Variants in SERPINE3 observed in about 807,000 individuals in gnomAD.
The protein encoded by SERPINE3 is serpin family E member 3.
Under a neutral mutation model 41.7 loss-of-function variants are expected in SERPINE3, and 43 were observed. The observed-to-expected ratio is 1.03, with a 90% CI of 0.81 to 1.33. SERPINE3 has a LOEUF of 1.33. SERPINE3 is among the 40% of genes most tolerant of loss of function. The pLI is 0.00. For missense variants in SERPINE3, 440 were observed against 491.7 expected (o/e 0.89, Z 0.99); for synonymous variants, 200 against 192.2 (o/e 1.04, Z -0.34).
intron 7 of SERPINE3, among the ~76,000 whole-genome samples, chr13:51,359,035 A>G (rs542820663): frequency 6.6e-6 from 1 of 152,222 alleles, no homozygotes; most frequent in East Asian, 1.9e-4. Flanking sequence ...CAAAAGTGCA[A>G]AACTGTTTAG....
In SERPINE3 at chr13:51,340,796, G is replaced by C. The variant is rs186722692; in HGVS notation, c.-83G>C. The C allele has an allele frequency of 9.4e-5, 47 of 497,604 alleles. No individual in the cohort carries two copies. Among genetic ancestry groups the C allele is most frequent in the African/African-American group, 8.4e-4 (44 of 52,086 alleles). 30.8% of individuals were successfully genotyped at this position (497,604 alleles called of 1,614,324 possible). A position where few individuals can be genotyped will look rare whatever the true frequency, so the allele number is the denominator to read the frequency against. Reference sequence around the variant, plus strand: ...CTGATCTGACCAGGGCTTTGCTAAAGTCACACATCCAGTAAGTGGCCGAAG... The same window carrying C: ...CTGATCTGACCAGGGCTTTGCTAAACTCACACATCCAGTAAGTGGCCGAAG... On this transcript the variant is annotated 5_prime_UTR_variant, in exon 2 of 10. Transcript: ENST00000681248.
At chr13:51,341,476 C>T in intron 3 of SERPINE3, 129 bp downstream of exon 3, 2 of 900,576 alleles carry the variant, frequency 2.2e-6, no homozygotes, top group South Asian at 1.7e-5. Context: ...CTCACACTCA[C>T]TCTCTCCAGC....
intron 7 of SERPINE3, among the ~76,000 whole-genome samples, chr13:51,358,744 A>T (rs1258484871): frequency 6.6e-6 from 1 of 152,110 alleles, no homozygotes; most frequent in Non-Finnish European, 1.5e-5. Context: ...AAAAACCCAT[A>T]GAAGATGTTA....
intron 7 of SERPINE3, among the ~76,000 whole-genome samples, chr13:51,357,311 A>C (rs1955495196): frequency 6.6e-6 from 1 of 152,202 alleles, no homozygotes; most frequent in Non-Finnish European, 1.5e-5. Context: ...CCTCATTCCT[A>C]AAATGGGGTA....
chr13:51,344,169 C>G, intron 3 of SERPINE3, 83 bp from the exon 4 acceptor site: 4 of 978,504 alleles, frequency 4.1e-6, no homozygotes, highest in Non-Finnish European at 4.8e-6. Flanking sequence ...GGCGTTCCAT[C>G]TCAATGCAAT....
intron 3 of SERPINE3, 55 bp downstream of exon 3, chr13:51,341,402 C>T (rs1955289933): frequency 2.0e-6 from 3 of 1,478,600 alleles, no homozygotes; most frequent in Non-Finnish European, 2.7e-6. Flanking sequence ...CACTCACACT[C>T]TCTCCAGCTC....
intron 6 of SERPINE3, among the ~76,000 whole-genome samples, chr13:51,352,385 T>C (rs1393591283): frequency 6.6e-6 from 1 of 152,080 alleles, no homozygotes; most frequent in Non-Finnish European, 1.5e-5. Flanking sequence ...TTTCAGATTG[T>C]TCTATAGCGT....
chr13:51,351,029 G>A (rs1955397752), intron 6 of SERPINE3, among the ~76,000 whole-genome samples: 1 of 151,834 alleles, frequency 6.6e-6, no homozygotes. Context: ...AGTACATTTT[G>A]TTTACCTATT....
At chr13:51,355,168 G>T (rs4942995) in intron 7 of SERPINE3, 25 bp downstream of exon 7, 47,842 of 1,183,348 alleles carry the variant, frequency 0.04, 1,308 homozygotes, top group South Asian at 0.089. Context: ...TCTTCCAAAC[G>T]TTCTAGCCGT....
chr13:51,360,086 C>T (rs907329937), intron 7 of SERPINE3, among the ~76,000 whole-genome samples: 6 of 152,012 alleles, frequency 3.9e-5, no homozygotes, highest in Non-Finnish European at 8.8e-5. Context: ...GATGGAATGC[C>T]GCATATTCTT....
intron 4 of SERPINE3, 124 bp downstream of exon 4, chr13:51,344,609 C>T (rs1955328054): frequency 2.7e-6 from 2 of 734,970 alleles, no homozygotes; most frequent in African/African-American, 1.8e-5. Context: ...AGTCTGTCCT[C>T]TTAGGAGATC....
chr13:51,362,996 G>A (rs1047866838), intron 9 of SERPINE3: 2 of 151,788 alleles, frequency 1.3e-5, no homozygotes, highest in African/African-American at 2.4e-5. Context: ...CAGAACAGGC[G>A]GCAGAGAGCC....
intron 6 of SERPINE3, among the ~76,000 whole-genome samples, chr13:51,353,181 A>G (rs891514887): frequency 2.0e-4 from 30 of 152,162 alleles, no homozygotes; most frequent in Admixed American, 1.4e-3. Flanking sequence ...TTTTATAGTC[A>G]TATCTCACTT....
chr13:51,362,100 C>T, intron 9 of SERPINE3: 2 of 1,490,644 alleles, frequency 1.3e-6, no homozygotes, highest in Non-Finnish European at 1.8e-6. Flanking sequence ...ATGTTTTTTA[C>T]CTTCTCATTC....
At chr13:51,352,913 T>C (rs764736031) in intron 6 of SERPINE3, among the ~76,000 whole-genome samples, 27 of 152,212 alleles carry the variant, frequency 1.8e-4, no homozygotes, top group Non-Finnish European at 3.4e-4. Flanking sequence ...TTAATTGGTT[T>C]TCATATGTTG....
intron 7 of SERPINE3, among the ~76,000 whole-genome samples, chr13:51,359,141 C>T (rs1167047895): frequency 6.6e-5 from 10 of 151,988 alleles, no homozygotes; most frequent in Non-Finnish European, 1.5e-5. Flanking sequence ...GCGTATGTCC[C>T]TCAATGGCAC....
chr13:51,354,300 C>T (rs1955446349), intron 6 of SERPINE3: 1 of 151,988 alleles, frequency 6.6e-6, no homozygotes, highest in Admixed American at 6.6e-5. Flanking sequence ...TCATCTTGGG[C>T]AAGTTTCTTA....
intron 6 of SERPINE3, among the ~76,000 whole-genome samples, chr13:51,352,659 G>C (rs1414965920): frequency 6.6e-6 from 1 of 151,958 alleles, no homozygotes; most frequent in African/African-American, 2.4e-5. Context: ...TTCTTGTCTT[G>C]TTCCTGATCT....
chr13:51,341,406 C>G (rs1407275540), intron 3 of SERPINE3, 59 bp downstream of exon 3: 1 of 1,456,770 alleles, frequency 6.9e-7, no homozygotes, highest in Non-Finnish European at 9.3e-7. Flanking sequence ...CACACTCTCT[C>G]CAGCTCACCC....
Sources: allele counts gnomAD v4.1 joint callset (sites outside exome capture counted in the v4.1 genomes callset), GRCh38; gene constraint gnomAD v4.1.1; transcripts MANE v1.5; gene names NCBI Gene and HGNC (gene_info 2026-07-23, HGNC 2026-07-21).